NCAPH: variants seen among roughly 807,000 people sequenced by gnomAD.
NCAPH encodes condensin complex subunit 2.
Under a neutral mutation model 85.5 loss-of-function variants are expected in NCAPH, and 38 were observed. The ratio of observed to expected loss-of-function variants is 0.44; its 90% CI spans 0.34 to 0.58. The LOEUF is 0.58. Ranked by LOEUF, NCAPH falls within the 20% of genes least tolerant of loss-of-function variation. NCAPH has a pLI of 0.01. For missense variants in NCAPH, 789 were observed against 916.6 expected, an observed-to-expected ratio of 0.86 and a Z score of 1.80; for synonymous variants, 301 against 335.1, an observed-to-expected ratio of 0.90 and a Z score of 1.11.
At chr2:96,339,072 A>G (rs1247472704) in intron 1 of NCAPH, among the ~76,000 whole-genome samples, 2 of 152,126 alleles carry the variant, frequency 1.3e-5, no homozygotes, top group Admixed American at 6.5e-5. Context: ...CGGCCTCCCA[A>G]AGTGCTGGGA....
intron 6 of NCAPH, among the ~76,000 whole-genome samples, chr2:96,350,350 T>C (rs962592848): frequency 1.3e-5 from 2 of 152,186 alleles, no homozygotes; most frequent in African/African-American, 2.4e-5. Context: ...ACAATTTCCA[T>C]GTTGGCTCTG....
At chr2:96,336,334 G>A (rs1469530935) in intron 1 of NCAPH, among the ~76,000 whole-genome samples, 1 of 152,204 alleles carries the variant, frequency 6.6e-6, no homozygotes, top group African/African-American at 2.4e-5. Flanking sequence ...TATACTGTTG[G>A]AGTTGGGGAG....
chr2:96,362,435 GC>G (rs375345109), intron 12 of NCAPH, among the ~76,000 whole-genome samples: 18 of 152,290 alleles, frequency 1.2e-4, no homozygotes, highest in African/African-American at 4.1e-4. Context: ...TTTGAGACCA[GC>G]CTGAGCAACA....
At chr2:96,352,327 G>A (rs146131801) in intron 7 of NCAPH, among the ~76,000 whole-genome samples, 52 of 152,264 alleles carry the variant, frequency 3.4e-4, no homozygotes, top group African/African-American at 1.2e-3. Flanking sequence ...GTTCCTCCTG[G>A]AGTGTCAGTT....
intron 17 of NCAPH, among the ~76,000 whole-genome samples, chr2:96,370,955 G>A (rs1039029118): frequency 2.6e-5 from 4 of 152,216 alleles, no homozygotes; most frequent in African/African-American, 9.6e-5. Flanking sequence ...GAGAGGACAT[G>A]CCCTGTTCAC....
At chr2:96,353,478 C>T in intron 8 of NCAPH, 81 bp downstream of exon 8, 1 of 1,224,964 alleles carries the variant, frequency 8.2e-7, no homozygotes, top group Non-Finnish European at 1.2e-6. Flanking sequence ...AAAACTGTGG[C>T]ATCATCTTTA....
rs1462096225 is a variant in NCAPH at position 96,360,529 on chromosome 2, G to A, written c.1465-59G>A. 1.6e-5 allele frequency: 25 copies of A among 1,593,422 alleles called. 1 individual carries two copies. The South Asian group carries it at 1.8e-4, about 11-fold the overall frequency. ...CCCTTCCCAGACTGCTTTAAAAAAA[G>A]TAAGATGTTTTGCCCACTGTTAAAA... is the stretch of plus-strand genomic sequence containing the variant. On this transcript the variant is annotated intron_variant, in intron 11 of 17. Coordinates refer to ENST00000240423, the MANE Select transcript of NCAPH (RefSeq NM_015341.5).
Position 96,375,098 on chromosome 2 carries a change from C to T in NCAPH, c.*1747C>T, listed in dbSNP as rs923432275. ...AGGTGTGTGCCTGTAATCCCAGCTA[C>T]TCAGAAGGCTGAGGTGGGATAATCA... On this transcript the variant is annotated 3_prime_UTR_variant, in exon 18 of 18. Coordinates refer to ENST00000240423, the MANE Select transcript of NCAPH (RefSeq NM_015341.5). Among the ~76,000 whole-genome samples, 9 of 152,056 alleles carry T rather than the reference C, an allele frequency of 5.9e-5. No individual in the cohort carries two copies. The highest frequency in any genetic ancestry group is 1.2e-4 in the African/African-American group (5 of 41,406).
At chr2:96,365,365 C>T (rs553641851) in intron 13 of NCAPH, among the ~76,000 whole-genome samples, 1 of 152,070 alleles carries the variant, frequency 6.6e-6, no homozygotes, top group South Asian at 2.1e-4. Context: ...ACCCAGGGAG[C>T]CTATTTAAGG....
rs1434957327 is a variant in NCAPH at position 96,376,527 on chromosome 2, G to C, written c.*3176G>C. Among the ~76,000 whole-genome samples, 3 of 152,214 alleles carry C rather than the reference G, an allele frequency of 2.0e-5. No individual in the cohort carries two copies. Among genetic ancestry groups the C allele is most frequent in the African/African-American group, 7.2e-5 (3 of 41,448 alleles). On this transcript the variant is annotated 3_prime_UTR_variant, in exon 18 of 18. Transcript: ENST00000240423. ...TGATCCCCCTGGGGAGCAAAAGGCTGCAGGTAACACTTTGGTGCCCTAGAA... is the reference window on the plus strand; with the variant it reads ...TGATCCCCCTGGGGAGCAAAAGGCTCCAGGTAACACTTTGGTGCCCTAGAA...
At chr2:96,341,931 C>T (rs377645833) in intron 2 of NCAPH, 37 bp downstream of exon 2, 29 of 1,604,330 alleles carry the variant, frequency 1.8e-5, no homozygotes, top group African/African-American at 4.0e-5. Flanking sequence ...TTGAGGCAGC[C>T]GCCTTGATAT....
At chr2:96,352,100 C>T (rs2064452488) in intron 7 of NCAPH, 80 bp downstream of exon 7, 1 of 1,346,386 alleles carries the variant, frequency 7.4e-7, no homozygotes, top group Non-Finnish European at 1.0e-6. Flanking sequence ...TACAATAAGC[C>T]CATCATGCTC....
chr2:96,365,079 G>T (rs2064676396), intron 13 of NCAPH, among the ~76,000 whole-genome samples: 1 of 152,058 alleles, frequency 6.6e-6, no homozygotes. Flanking sequence ...CTGTGAACTT[G>T]TACAAGCCAC....
Position 96,351,935 on chromosome 2 carries a change from GT to G in NCAPH, c.828del (p.Ser278LeufsTer17). The part of the protein sequence containing the change: ...HCQDYRSELL[F>X]PSDVQTLSTG... Reference sequence around the variant, plus strand: ...GCCAGGACTACAGAAGTGAACTGCTGTTTCCCTCTGATGTCCAGACTCTCTC... The same window carrying G: ...GCCAGGACTACAGAAGTGAACTGCTGTTCCCTCTGATGTCCAGACTCTCTC... On this transcript the variant is annotated frameshift_variant, in exon 7 of 18. Transcript: ENST00000240423. LOFTEE classifies it high-confidence loss of function. 6.2e-7 allele frequency: 1 copy of G among 1,614,190 alleles called. No individual in the cohort carries two copies. The highest frequency in any genetic ancestry group is 1.7e-5 in the Admixed American group (1 of 60,028).
At chr2:96,371,568 G>A (rs1000945461) in intron 17 of NCAPH, among the ~76,000 whole-genome samples, 1 of 152,144 alleles carries the variant, frequency 6.6e-6, no homozygotes, top group African/African-American at 2.4e-5. Flanking sequence ...GGCAGTGCAG[G>A]CATGTTCATT....
At chr2:96,361,136 C>T (rs1022997021) in intron 12 of NCAPH, among the ~76,000 whole-genome samples, 4 of 147,574 alleles carry the variant, frequency 2.7e-5, no homozygotes, top group Non-Finnish European at 4.5e-5. Context: ...GCAACCTCTC[C>T]CTCCTGGGTT....
chr2:96,363,593 AT>A (rs897979627), intron 12 of NCAPH, among the ~76,000 whole-genome samples: 1 of 152,144 alleles, frequency 6.6e-6, no homozygotes, highest in African/African-American at 2.4e-5. Context: ...TACTTCAGAG[AT>A]TTATATATCA....
chr2:96,352,636 G>A (rs2064460444), intron 7 of NCAPH, among the ~76,000 whole-genome samples: 1 of 152,156 alleles, frequency 6.6e-6, no homozygotes, highest in African/African-American at 2.4e-5. Context: ...AGCTACACTT[G>A]GGGTCCCAGA....
intron 9 of NCAPH, among the ~76,000 whole-genome samples, chr2:96,355,020 C>G (rs2064505002): frequency 6.6e-6 from 1 of 151,968 alleles, no homozygotes; most frequent in South Asian, 2.1e-4. Context: ...TGTTGGGTTA[C>G]CAGATGGGCA....
Sources: gnomAD v4.1 joint callset for allele counts (sites outside exome capture counted in the v4.1 genomes callset) on GRCh38, gnomAD v4.1.1 for gene constraint, MANE v1.5 for transcripts, NCBI Gene and HGNC (gene_info 2026-07-23, HGNC 2026-07-21) for gene names.